CNTNAP5: variants seen among roughly 807,000 people sequenced by gnomAD.
The protein encoded by CNTNAP5 is contactin-associated protein-like 5.
Under a neutral mutation model 150.2 loss-of-function variants are expected in CNTNAP5, and 72 were observed. The ratio of observed to expected loss-of-function variants is 0.48; its 90% CI spans 0.40 to 0.58. The LOEUF is 0.58. Ranked by LOEUF, CNTNAP5 falls within the 20% of genes least tolerant of loss-of-function variation. The pLI, the probability that CNTNAP5 is intolerant of heterozygous loss-of-function variation, is 0.00. For missense variants in CNTNAP5, 1,636 were observed against 1,626.2 expected (o/e 1.01, Z -0.10); for synonymous variants, 672 against 619.8 (o/e 1.08, Z -1.25).
chr2:124,840,504 G>T (rs189771326), intron 19 of CNTNAP5, among the ~76,000 whole-genome samples: 18 of 152,174 alleles, frequency 1.2e-4, no homozygotes, highest in Middle Eastern at 3.4e-3. Context: ...TCCAGCAAAC[G>T]AAAGGTGGAC....
intron 20 of CNTNAP5, among the ~76,000 whole-genome samples, chr2:124,866,197 T>C (rs974752783): frequency 6.6e-6 from 1 of 151,752 alleles, no homozygotes; most frequent in Non-Finnish European, 1.5e-5. Context: ...GAGGCGGAGG[T>C]TGCAGTGAGC....
At position 124,204,560 on chromosome 2, in the gene CNTNAP5, C is replaced by T. The variant is rs188374902; in HGVS notation, c.83-17145C>T. 3.3e-5 allele frequency among the ~76,000 whole-genome samples: 5 copies of T among 152,256 alleles called. No individual in the cohort carries two copies. In the East Asian group the frequency reaches 9.7e-4, roughly 29 times the overall value. ...TACTGCTATGAAGAAATACTCCAGACTGTGTAATTTATAAAGAAAAAGAGG... is the reference window on the plus strand; with the variant it reads ...TACTGCTATGAAGAAATACTCCAGATTGTGTAATTTATAAAGAAAAAGAGG... On this transcript the variant is annotated intron_variant, in intron 1 of 23. Transcript: ENST00000682447.
chr2:124,215,712 C>CAAAAAAAAAAAAAAAAAAAAAGAA (rs1686139951), intron 1 of CNTNAP5, among the ~76,000 whole-genome samples: 1 of 82,046 alleles, frequency 1.2e-5, no homozygotes, highest in Admixed American at 1.4e-4. Flanking sequence ...AGAAGAAAGG[C>CAAAAAAAAAAAAAAAAAAAAAGAA]AAAAAAAAAA....
At chr2:124,677,974 A>T (rs1453173187) in intron 13 of CNTNAP5, among the ~76,000 whole-genome samples, 2 of 151,934 alleles carry the variant, frequency 1.3e-5, no homozygotes, top group Non-Finnish European at 2.9e-5. Context: ...ACCCCCAAGA[A>T]TTCTGCGTTG....
At chr2:124,865,959 GA>G (rs1278819001) in intron 20 of CNTNAP5, among the ~76,000 whole-genome samples, 1 of 146,648 alleles carries the variant, frequency 6.8e-6, no homozygotes, top group East Asian at 2.1e-4. Flanking sequence ...AAAATTAAAA[GA>G]AAAAAAGAAA....
chr2:124,277,266 C>T (rs1687905527), intron 3 of CNTNAP5, among the ~76,000 whole-genome samples: 1 of 152,158 alleles, frequency 6.6e-6, no homozygotes, highest in Non-Finnish European at 1.5e-5. Context: ...AGCATATCCT[C>T]CTGGTCTCAT....
intron 4 of CNTNAP5, among the ~76,000 whole-genome samples, chr2:124,428,966 T>G (rs1017896424): frequency 2.6e-5 from 4 of 152,310 alleles, no homozygotes; most frequent in African/African-American, 9.6e-5. Context: ...TTCTACACAC[T>G]TTCTTTTTTT....
intron 10 of CNTNAP5, among the ~76,000 whole-genome samples, chr2:124,534,717 CA>C (rs201477150): frequency 6.6e-6 from 1 of 151,478 alleles, no homozygotes; most frequent in Non-Finnish European, 1.5e-5. Context: ...TACTGAAATA[CA>C]AAAAAAACAA....
In CNTNAP5 at chr2:124,413,607, C is replaced by G. The variant is rs553758160; in HGVS notation, c.382-3836C>G. 3.3e-4 allele frequency among the ~76,000 whole-genome samples: 41 copies of G among 124,492 alleles called. No individual in the cohort carries two copies. The South Asian group carries it at 3.9e-3, about 12-fold the overall frequency. The allele number at this position is 124,492 out of a possible 152,430, so 81.7% of individuals were successfully genotyped here. On this transcript the variant is annotated intron_variant, in intron 3 of 23. Coordinates refer to ENST00000682447, the MANE Select transcript of CNTNAP5 (RefSeq NM_001367498.1). ...GGACATGGATGAAATTGGAAATCAT[C>G]ATTCTCAGTAAACTATCGCAAGAAC...
intron 1 of CNTNAP5, among the ~76,000 whole-genome samples, chr2:124,165,142 G>A (rs745881745): frequency 1.3e-5 from 2 of 152,180 alleles, no homozygotes; most frequent in Non-Finnish European, 2.9e-5. Flanking sequence ...ATCAGGTGAT[G>A]ATATAAACAG....
intron 20 of CNTNAP5, among the ~76,000 whole-genome samples, chr2:124,866,103 A>G (rs1398610609): frequency 1.3e-5 from 2 of 151,900 alleles, no homozygotes; most frequent in African/African-American, 4.8e-5. Context: ...CAATACTAAA[A>G]AATACAAAAA....
intron 3 of CNTNAP5, among the ~76,000 whole-genome samples, chr2:124,296,652 G>C (rs531974550): frequency 2.0e-5 from 3 of 152,248 alleles, no homozygotes; most frequent in African/African-American, 7.2e-5. Flanking sequence ...CCAAGACCAC[G>C]TGTGTGGTAG....
intron 10 of CNTNAP5, among the ~76,000 whole-genome samples, chr2:124,540,684 A>C (rs923318436): frequency 1.3e-5 from 2 of 151,834 alleles, no homozygotes; most frequent in Non-Finnish European, 2.9e-5. Flanking sequence ...TGAATCATTC[A>C]TTCATTCATT....
intron 18 of CNTNAP5, among the ~76,000 whole-genome samples, chr2:124,796,598 T>C (rs1388760942): frequency 6.6e-6 from 1 of 152,208 alleles, no homozygotes; most frequent in East Asian, 1.9e-4. Context: ...TATGCATAAA[T>C]ATGCAACTTT....
At chr2:124,187,065 C>G (rs1685350266) in intron 1 of CNTNAP5, among the ~76,000 whole-genome samples, 1 of 152,098 alleles carries the variant, frequency 6.6e-6, no homozygotes, top group South Asian at 2.1e-4. Flanking sequence ...TCAGATTGAC[C>G]ACATCTCCTG....
At chr2:124,053,534 AT>A (rs1467168791) in intron 1 of CNTNAP5, among the ~76,000 whole-genome samples, 7 of 152,192 alleles carry the variant, frequency 4.6e-5, no homozygotes, top group African/African-American at 1.7e-4. Flanking sequence ...CTTGCTATGG[AT>A]AAACTCAATG....
At chr2:124,227,930 A>G (rs939073651) in intron 2 of CNTNAP5, among the ~76,000 whole-genome samples, 3 of 152,060 alleles carry the variant, frequency 2.0e-5, no homozygotes, top group Non-Finnish European at 2.9e-5. Context: ...AAATACATAT[A>G]TACACGCACA....
At chr2:124,844,228 G>A (rs1217840232) in intron 19 of CNTNAP5, among the ~76,000 whole-genome samples, 3 of 151,870 alleles carry the variant, frequency 2.0e-5, no homozygotes, top group African/African-American at 7.2e-5. Context: ...TCTTTTACAT[G>A]GGGCTTGACA....
At chr2:124,042,783 C>CATCTATTT (rs1553431954) in intron 1 of CNTNAP5, among the ~76,000 whole-genome samples, 1 of 148,112 alleles carries the variant, frequency 6.8e-6, no homozygotes, top group Non-Finnish European at 1.5e-5. Context: ...AACTCTCTAT[C>CATCTATTT]ATCTATCTAT....
Sources: gnomAD v4.1 joint callset for allele counts (sites outside exome capture counted in the v4.1 genomes callset) on GRCh38, gnomAD v4.1.1 for gene constraint, MANE v1.5 for transcripts, NCBI Gene and HGNC (gene_info 2026-07-23, HGNC 2026-07-21) for gene names.